The following ERBB4 variants were observed in gnomAD, a reference collection of about 807,000 sequenced individuals.
The protein encoded by ERBB4 is receptor tyrosine-protein kinase erbB-4.
ERBB4 carries 42 observed loss-of-function variants against 158.0 expected under a neutral mutation model. That is an observed-to-expected ratio of 0.27 (90% CI 0.21 to 0.34). The LOEUF is 0.34. Ranked by LOEUF, ERBB4 falls within the 10% of genes least tolerant of loss-of-function variation. The pLI is 1.00. For missense variants in ERBB4, 1,333 were observed against 1,624.1 expected (o/e 0.82, Z 3.08); for synonymous variants, 583 against 558.7 (o/e 1.04, Z -0.61).
intron 3 of ERBB4, among the ~76,000 whole-genome samples, chr2:211,870,041 T>C (rs1242104688): frequency 6.6e-6 from 1 of 152,186 alleles, no homozygotes; most frequent in Non-Finnish European, 1.5e-5. Context: ...CCAGTATCCA[T>C]CATCTTCCTT....
chr2:211,411,293 G>C (rs1308703032), intron 25 of ERBB4, among the ~76,000 whole-genome samples: 1 of 152,116 alleles, frequency 6.6e-6, no homozygotes, highest in Non-Finnish European at 1.5e-5. Flanking sequence ...GTCACTGGTA[G>C]AAAAGACATT....
chr2:212,264,710 T>G lies in ERBB4; in HGVS notation c.83-139807A>C, dbSNP rs373721395. Among the ~76,000 whole-genome samples, 7 of 152,248 alleles carry G rather than the reference T, an allele frequency of 4.6e-5. 1 individual carries two copies. The South Asian group carries it at 1.2e-3, about 27-fold the overall frequency. ...GAATTAAGTTTCTCTCATATTTTAT[T>G]TTATGTCTAAATCTGAGATCAGAAA... On this transcript the variant is annotated intron_variant, in intron 1 of 27. Transcript: ENST00000342788.
chr2:212,413,837 A>G (rs1276707939), intron 1 of ERBB4, among the ~76,000 whole-genome samples: 6 of 152,216 alleles, frequency 3.9e-5, no homozygotes, highest in African/African-American at 1.4e-4. Flanking sequence ...CACTGATGAT[A>G]TATTATCTAT....
chr2:211,602,763 T>C (rs886518389), intron 19 of ERBB4, among the ~76,000 whole-genome samples: 22 of 152,216 alleles, frequency 1.4e-4, no homozygotes, highest in African/African-American at 3.9e-4. Context: ...TGAAATGAAA[T>C]ACTAAACTAA....
intron 20 of ERBB4, among the ~76,000 whole-genome samples, chr2:211,505,890 G>A (rs1417718073): frequency 6.7e-6 from 1 of 150,264 alleles, no homozygotes; most frequent in Non-Finnish European, 1.5e-5. Context: ...AACCTGGGAG[G>A]CAGAGCTTGC....
intron 18 of ERBB4, among the ~76,000 whole-genome samples, chr2:211,621,465 G>T (rs1332640192): frequency 6.6e-6 from 1 of 152,080 alleles, no homozygotes; most frequent in Non-Finnish European, 1.5e-5. Flanking sequence ...GTCAACCATA[G>T]ACACTTTCAT....
At chr2:212,275,799 A>G (rs1458739172) in intron 1 of ERBB4, among the ~76,000 whole-genome samples, 1 of 151,862 alleles carries the variant, frequency 6.6e-6, no homozygotes, top group African/African-American at 2.4e-5. Context: ...CTAGCATCAT[A>G]ATGACAGAAT....
intron 20 of ERBB4, among the ~76,000 whole-genome samples, chr2:211,524,036 T>C (rs970689950): frequency 1.3e-5 from 2 of 152,062 alleles, no homozygotes; most frequent in Admixed American, 6.5e-5. Context: ...AGAGTGTTGA[T>C]TGGTGCACTC....
chr2:211,751,137 G>A (rs2075120396), intron 4 of ERBB4, among the ~76,000 whole-genome samples: 1 of 151,980 alleles, frequency 6.6e-6, no homozygotes, highest in African/African-American at 2.4e-5. Flanking sequence ...AAATCTATGA[G>A]AACAAGAATA....
At chr2:211,963,729 T>C (rs1430308810) in intron 2 of ERBB4, among the ~76,000 whole-genome samples, 1 of 152,150 alleles carries the variant, frequency 6.6e-6, no homozygotes, top group Non-Finnish European at 1.5e-5. Flanking sequence ...GTTTAAAAGC[T>C]TGCCTAATAC....
At chr2:211,746,438 T>G (rs2074975279) in intron 5 of ERBB4, among the ~76,000 whole-genome samples, 2 of 152,208 alleles carry the variant, frequency 1.3e-5, no homozygotes, top group Non-Finnish European at 2.9e-5. Context: ...TTAGCTGAAT[T>G]AAGTAATTTC....
chr2:212,189,085 G>A (rs868489868), intron 1 of ERBB4, among the ~76,000 whole-genome samples: 1 of 137,234 alleles, frequency 7.3e-6, no homozygotes, highest in Non-Finnish European at 1.6e-5. Context: ...TTTTTTTTGG[G>A]GGGGGGGGTG....
chr2:211,951,023 T>C (rs144626152), intron 2 of ERBB4, among the ~76,000 whole-genome samples: 1 of 152,290 alleles, frequency 6.6e-6, no homozygotes, highest in Non-Finnish European at 1.5e-5. Flanking sequence ...AAAAGTTTTC[T>C]TTAAACTTGA....
At chr2:211,997,909 TCACA>T (rs1553530863) in intron 2 of ERBB4, among the ~76,000 whole-genome samples, 5 of 150,566 alleles carry the variant, frequency 3.3e-5, no homozygotes, top group East Asian at 2.0e-4. Flanking sequence ...CACACACACA[TCACA>T]CACACACACA....
chr2:212,358,059 T>A lies in ERBB4; in HGVS notation c.82+180390A>T, dbSNP rs183981507. Reference sequence around the variant, plus strand: ...ATGACTTCCCATAGATGTCTTCAGGTTTCTGAGACAAATTTGCTTGACAGG... The same window carrying A: ...ATGACTTCCCATAGATGTCTTCAGGATTCTGAGACAAATTTGCTTGACAGG... On this transcript the variant is annotated intron_variant, in intron 1 of 27. Coordinates refer to ENST00000342788, the MANE Select transcript of ERBB4 (RefSeq NM_005235.3). Among the ~76,000 whole-genome samples, 535 of 152,034 alleles carry A rather than the reference T, an allele frequency of 3.5e-3. 4 individuals carry two copies. The highest frequency in any genetic ancestry group is 0.013 in the African/African-American group (521 of 41,536).
chr2:212,096,611 G>T (rs1575626022), intron 2 of ERBB4, among the ~76,000 whole-genome samples: 1 of 152,100 alleles, frequency 6.6e-6, no homozygotes, highest in Non-Finnish European at 1.5e-5. Context: ...TACATGTCAT[G>T]CATTATCTAA....
At chr2:211,755,685 C>T (rs1326816085) in intron 4 of ERBB4, among the ~76,000 whole-genome samples, 1 of 152,118 alleles carries the variant, frequency 6.6e-6, no homozygotes, top group Non-Finnish European at 1.5e-5. Context: ...AAAATGTAGC[C>T]TTTGCATTCC....
intron 1 of ERBB4, among the ~76,000 whole-genome samples, chr2:212,523,558 T>G (rs916031388): frequency 1.6e-5 from 2 of 122,032 alleles, no homozygotes; most frequent in African/African-American, 7.8e-5. Context: ...AAATGTTTAT[T>G]TAAGAATGAC....
In ERBB4 at chr2:212,298,236, T is replaced by C. The variant is rs114399200; in HGVS notation, c.83-173333A>G. Among the ~76,000 whole-genome samples, 1,024 of 151,882 alleles carry C rather than the reference T, an allele frequency of 6.7e-3. 7 individuals are homozygous for C. Among genetic ancestry groups the C allele is most frequent in the Non-Finnish European group, 0.012 (810 of 67,848 alleles). ...TGAAGATCAATCATATTCTATACCA[T>C]CTAGTAAAAAAAGATCAGTTTCTAC... is the stretch of plus-strand genomic sequence containing the variant. On this transcript the variant is annotated intron_variant, in intron 1 of 27. Coordinates refer to ENST00000342788, the MANE Select transcript of ERBB4 (RefSeq NM_005235.3).
Sources: gnomAD v4.1 joint callset for allele counts (sites outside exome capture counted in the v4.1 genomes callset) on GRCh38, gnomAD v4.1.1 for gene constraint, MANE v1.5 for transcripts, NCBI Gene and HGNC (gene_info 2026-07-23, HGNC 2026-07-21) for gene names.